The following GRK7 variants were observed in gnomAD, a reference collection of about 807,000 sequenced individuals.
GRK7 encodes the protein rhodopsin kinase GRK7.
In GRK7, 24 loss-of-function variants were observed where a neutral mutation model predicts 34.1. That is an observed-to-expected ratio of 0.70 (90% CI 0.51 to 0.99). The LOEUF is 0.99. Ranked by LOEUF, GRK7 falls within the 50% of genes least tolerant of loss-of-function variation. The probability of loss-of-function intolerance (pLI) is 0.00; values close to 1 mark genes in which losing one functional copy is unlikely to be tolerated. For synonymous variants in GRK7, 256 were observed against 279.4 expected (o/e 0.92, Z 0.84); for missense variants, 644 against 707.3 (o/e 0.91, Z 1.02).
chr3:141,797,921 C>T (rs1471851168), intron 4 of GRK7, among the ~76,000 whole-genome samples: 2 of 152,116 alleles, frequency 1.3e-5, no homozygotes, highest in African/African-American at 4.8e-5. Flanking sequence ...ACTTGTAAAA[C>T]TGTTAAGAGG....
chr3:141,789,333 G>A (rs1010419669), intron 4 of GRK7, among the ~76,000 whole-genome samples: 1 of 152,174 alleles, frequency 6.6e-6, no homozygotes, highest in East Asian at 1.9e-4. Context: ...TCTTCTCTGT[G>A]TTGCCCTCAC....
Position 141,817,880 on chromosome 3 carries a change from A to C in GRK7, c.*830A>C, listed in dbSNP as rs894075212. ...AGGTATGAGAACAGCTTGACCATTT[A>C]GAATTTCAGAAGCTCCCCAGGTGAT... On this transcript the variant is annotated 3_prime_UTR_variant, in exon 6 of 6. Coordinates refer to ENST00000682958, the MANE Select transcript of GRK7 (RefSeq NM_139209.3). 15 of 152,222 alleles carry C rather than the reference A, an allele frequency of 9.9e-5. No homozygotes were observed. The highest frequency in any genetic ancestry group is 1.6e-4 in the Non-Finnish European group (11 of 68,046). 9.4% of individuals were successfully genotyped at this position (152,222 alleles called of 1,614,324 possible). A position where few individuals can be genotyped will look rare whatever the true frequency, so the allele number is the denominator to read the frequency against.
At chr3:141,754,137 C>T in the GRK7 span, among the ~76,000 whole-genome samples, 17 of 152,168 alleles carry the variant, frequency 1.1e-4, 1 homozygote, top group Admixed American at 9.8e-4. Context: ...TATCAGAAAA[C>T]TGCTGCTGCT....
chr3:141,784,922 G>A (rs564274266), intron 4 of GRK7, among the ~76,000 whole-genome samples: 1 of 152,174 alleles, frequency 6.6e-6, no homozygotes, highest in African/African-American at 2.4e-5. Flanking sequence ...AAAGACCTGA[G>A]CTAGCACATC....
chr3:141,817,332 C>G lies in GRK7; in HGVS notation c.*282C>G. The stretch of plus-strand genomic sequence containing the variant: ...GCATCAGCCTTTTACCATCATGTCC[C>G]TGTGTATTACGCAAAGTCCTAGGAA... On this transcript the variant is annotated 3_prime_UTR_variant, in exon 6 of 6. Transcript: ENST00000682958. 9.3e-6 allele frequency: 3 copies of G among 322,080 alleles called. No individual in the cohort carries two copies. 20.0% of individuals were successfully genotyped at this position (322,080 alleles called of 1,614,324 possible).
chr3:141,768,276 T>TC (rs2084599358), intron 1 of GRK7, among the ~76,000 whole-genome samples: 1 of 151,450 alleles, frequency 6.6e-6, no homozygotes, highest in East Asian at 1.9e-4. Context: ...TCAGCCTTTT[T>TC]TTTTTTTTTT....
intron 4 of GRK7, among the ~76,000 whole-genome samples, chr3:141,794,616 T>A (rs2084740729): frequency 6.6e-6 from 1 of 152,154 alleles, no homozygotes; most frequent in African/African-American, 2.4e-5. Flanking sequence ...GGACAACATG[T>A]TTCAAATTTT....
rs2084566239 is a variant in GRK7 at position 141,763,450 on chromosome 3, G to C, written c.-2503G>C. On this transcript the variant is annotated 5_prime_UTR_variant, in exon 1 of 6. Coordinates refer to ENST00000682958, the MANE Select transcript of GRK7 (RefSeq NM_139209.3). ...CAAACCCACTAACTAACCCAGCAAA[G>C]TCTGGGGGGCCTCAGATCAGCCCAA... Among the ~76,000 whole-genome samples, 1 of 152,212 alleles carries C rather than the reference G, an allele frequency of 6.6e-6. No individual in the cohort carries two copies. The highest frequency in any genetic ancestry group is 2.4e-5 in the African/African-American group (1 of 41,444).
intron 5 of GRK7, among the ~76,000 whole-genome samples, chr3:141,808,582 AG>A (rs1415870284): frequency 6.6e-6 from 1 of 152,002 alleles, no homozygotes; most frequent in African/African-American, 2.4e-5. Context: ...GGGCGGTGGC[AG>A]GTGCCTGTAA....
intron 4 of GRK7, among the ~76,000 whole-genome samples, chr3:141,803,143 C>T (rs1270909592): frequency 2.0e-5 from 3 of 151,862 alleles, no homozygotes; most frequent in Non-Finnish European, 4.4e-5. Flanking sequence ...TTAAAGTGTA[C>T]TGGCTGGGCG....
chr3:141,776,808 C>CTT (rs377256053), intron 2 of GRK7, among the ~76,000 whole-genome samples: 12 of 133,870 alleles, frequency 9.0e-5, no homozygotes, highest in African/African-American at 4.9e-4. Context: ...CTCCCTCTCT[C>CTT]TTTTTTTTGC....
chr3:141,802,365 G>GCCACACACACACAC lies in GRK7; in HGVS notation c.1051-5280_1051-5279insCCACACACACACAC, dbSNP rs1577923831. On this transcript the variant is annotated intron_variant, in intron 4 of 5. Transcript: ENST00000682958. Reference sequence around the variant, plus strand: ...TGAAACTCTCTTTCTCTCTTTCTCTGTCACACACACACACACACACACACA... The same window carrying GCCACACACACACAC: ...TGAAACTCTCTTTCTCTCTTTCTCTGCCACACACACACACTCACACACACACACACACACACACA... 3.5e-4 allele frequency among the ~76,000 whole-genome samples: 12 copies of GCCACACACACACAC among 34,220 alleles called. No individual in the cohort carries two copies. The South Asian group carries it at 5.6e-3, about 16-fold the overall frequency. 22.4% of individuals were successfully genotyped at this position (34,220 alleles called of 152,430 possible).
upstream of GRK7, among the ~76,000 whole-genome samples, chr3:141,763,171 A>C (rs2084564923): frequency 6.6e-6 from 1 of 152,054 alleles, no homozygotes; most frequent in South Asian, 2.1e-4. Context: ...CTTAAGGATG[A>C]AAAATATGGG....
intron 5 of GRK7, among the ~76,000 whole-genome samples, chr3:141,810,816 T>C (rs1711085772): frequency 6.6e-6 from 1 of 152,130 alleles, no homozygotes; most frequent in African/African-American, 2.4e-5. Context: ...TGCTGACTAG[T>C]GTCTTCTGCG....
chr3:141,804,064 T>C (rs1333275318), intron 4 of GRK7, among the ~76,000 whole-genome samples: 1 of 152,252 alleles, frequency 6.6e-6, no homozygotes, highest in African/African-American at 2.4e-5. Context: ...ATTAACATTT[T>C]ACTAGATTTG....
rs564783575 is a variant in GRK7, at chr3:141,812,658, A to G, written c.1326-4056A>G. On this transcript the variant is annotated intron_variant, in intron 5 of 5. Coordinates refer to ENST00000682958, the MANE Select transcript of GRK7 (RefSeq NM_139209.3). ...ACCCATGGTTTCCTTGTCTTTTATA[A>G]TTAGTTGCAAAAGGGCTGCAGTCAG... 5.3e-5 allele frequency among the ~76,000 whole-genome samples: 8 copies of G among 152,280 alleles called. No homozygotes were observed. In the South Asian group the frequency reaches 1.2e-3, roughly 24 times the overall value.
intron 4 of GRK7, among the ~76,000 whole-genome samples, chr3:141,785,248 G>A (rs535482605): frequency 2.6e-4 from 39 of 152,332 alleles, no homozygotes; most frequent in Non-Finnish European, 5.1e-4. Flanking sequence ...CATTCAGAGA[G>A]TTATTTAGTC....
intron 5 of GRK7, among the ~76,000 whole-genome samples, chr3:141,814,596 T>G (rs907670678): frequency 1.3e-5 from 2 of 152,258 alleles, no homozygotes; most frequent in Non-Finnish European, 2.9e-5. Context: ...ATATTGTGTA[T>G]GTACCACACT....
At chr3:141,773,535 G>A (rs964370235) in intron 1 of GRK7, among the ~76,000 whole-genome samples, 6 of 151,796 alleles carry the variant, frequency 4.0e-5, no homozygotes, top group African/African-American at 4.8e-5. Flanking sequence ...TTTTTGAGAC[G>A]GAGTCTTGCT....
Sources: gnomAD v4.1 joint callset for allele counts (sites outside exome capture counted in the v4.1 genomes callset) on GRCh38, gnomAD v4.1.1 for gene constraint, MANE v1.5 for transcripts, NCBI Gene and HGNC (gene_info 2026-07-23, HGNC 2026-07-21) for gene names.